Variants in FUBP3 observed in about 807,000 individuals in gnomAD.
FUBP3 encodes the protein far upstream element-binding protein 3.
FUBP3 carries 28 observed loss-of-function variants against 85.6 expected under a neutral mutation model. That is an observed-to-expected ratio of 0.33 (90% CI 0.24 to 0.45). FUBP3 has a LOEUF of 0.45. Ranked by LOEUF, FUBP3 falls within the 20% of genes least tolerant of loss-of-function variation. FUBP3 has a pLI of 1.00. For synonymous variants in FUBP3, 271 were observed against 271.4 expected (o/e 1.00, Z 0.01); for missense variants, 583 against 755.1 (o/e 0.77, Z 2.67).
chr9:130,625,690 G>A (rs1388868154), intron 11 of FUBP3, among the ~76,000 whole-genome samples: 1 of 152,174 alleles, frequency 6.6e-6, no homozygotes, highest in Admixed American at 6.5e-5. Context: ...TCTCTCTGCT[G>A]GGTGAACAGT....
At position 130,616,460 on chromosome 9, in the gene FUBP3, C is replaced by T. The variant is rs757341408; in HGVS notation, c.510C>T (p.Pro170=). ...SNSTIQEILI[P]ASKVGLVIGR... ...GCACAATCCAGGAGATTCTCATTCC[C>T]GCATCTAAAGTGGGTCTGGTCATCG... Residue 170 remains proline (P), a synonymous_variant, in exon 7 of 19, where the codon CCC becomes CCT. Coordinates refer to ENST00000319725, the MANE Select transcript of FUBP3 (RefSeq NM_003934.2). The surrounding 1 kb of genome is among the most constrained non-coding windows in gnomAD (Gnocchi z 4.7). 9.9e-6 allele frequency: 16 copies of T among 1,613,894 alleles called. No homozygotes were observed. The highest frequency in any genetic ancestry group is 7.7e-5 in the South Asian group (7 of 91,076).
chr9:130,611,900 T>C (rs940913565), intron 3 of FUBP3, among the ~76,000 whole-genome samples: 3 of 152,138 alleles, frequency 2.0e-5, no homozygotes, highest in Non-Finnish European at 4.4e-5. Flanking sequence ...TCAACAGTGA[T>C]TACGCCTCCA....
At chr9:130,636,879 A>G in intron 18 of FUBP3, 135 bp from the exon 19 acceptor site, 1 of 748,544 alleles carries the variant, frequency 1.3e-6, no homozygotes, top group Non-Finnish European at 2.4e-6. Context: ...CCTAGTGGAG[A>G]GAGAAGCCCA....
intron 2 of FUBP3, chr9:130,596,733 G>C (rs74743353): frequency 0.12 from 42,045 of 353,712 alleles, 3,195 homozygotes; most frequent in East Asian, 0.25. Flanking sequence ...CCTATGTTAA[G>C]GTTCTTTTTA....
intron 1 of FUBP3, among the ~76,000 whole-genome samples, chr9:130,594,591 AT>A (rs982598765): frequency 3.3e-5 from 5 of 152,128 alleles, no homozygotes; most frequent in African/African-American, 9.7e-5. Flanking sequence ...ATCAAAAAAA[AT>A]AATAAATTTT....
intron 1 of FUBP3, chr9:130,582,002 AGTT>A (rs1373865978): frequency 6.6e-6 from 1 of 152,218 alleles, no homozygotes; most frequent in Admixed American, 6.5e-5. Flanking sequence ...AAAGTGCATC[AGTT>A]GTTAGTTTAC....
intron 6 of FUBP3, among the ~76,000 whole-genome samples, chr9:130,614,699 T>G (rs538122913): frequency 6.6e-6 from 1 of 152,328 alleles, no homozygotes; most frequent in Non-Finnish European, 1.5e-5. Context: ...AGTCACTTGG[T>G]GAGCTACTGA....
rs1471403755 is a variant in FUBP3 at position 130,635,435 on chromosome 9, C to T, written c.1583-564C>T. 6.6e-6 allele frequency among the ~76,000 whole-genome samples: 1 copy of T among 152,138 alleles called. No individual in the cohort carries two copies. The highest frequency in any genetic ancestry group is 1.9e-4 in the East Asian group (1 of 5,188). ...ATGTTTCTTGCTGGTTGGAAGAGAT[C>T]GGGTTGAAGGCTACCAGAGAAGTGG... On this transcript the variant is annotated intron_variant, in intron 17 of 18. Coordinates refer to ENST00000319725, the MANE Select transcript of FUBP3 (RefSeq NM_003934.2). This position sits in a 1 kb window ranked among gnomAD's most constrained non-coding sequence, Gnocchi z 4.3.
intron 14 of FUBP3, 67 bp from the exon 15 acceptor site, chr9:130,631,875 C>A: frequency 8.3e-7 from 1 of 1,198,470 alleles, no homozygotes; most frequent in African/African-American, 1.5e-5. Context: ...TGCCCTGGGG[C>A]TGCGGGGAGG....
chr9:130,614,765 T>A (rs1440955103), intron 6 of FUBP3, among the ~76,000 whole-genome samples: 1 of 152,194 alleles, frequency 6.6e-6, no homozygotes. Context: ...CTTCTGATAT[T>A]TGTGAACCAA....
At chr9:130,629,834 C>T (rs1425898796) in intron 12 of FUBP3, among the ~76,000 whole-genome samples, 2 of 152,238 alleles carry the variant, frequency 1.3e-5, no homozygotes, top group Non-Finnish European at 2.9e-5. Context: ...CTCCTAGCAA[C>T]ACTCCATCCC....
intron 1 of FUBP3, among the ~76,000 whole-genome samples, chr9:130,594,945 G>A (rs567742817): frequency 8.6e-5 from 13 of 150,386 alleles, no homozygotes; most frequent in South Asian, 4.2e-4. Context: ...ACTAATTTGC[G>A]GCCGGGCGCA....
chr9:130,591,700 A>G (rs556495682), intron 1 of FUBP3, among the ~76,000 whole-genome samples: 1 of 152,214 alleles, frequency 6.6e-6, no homozygotes, highest in Non-Finnish European at 1.5e-5. Context: ...CTGTACTACT[A>G]CTCTCATAGT....
intron 1 of FUBP3, among the ~76,000 whole-genome samples, chr9:130,586,639 A>T (rs962072163): frequency 6.6e-6 from 1 of 151,954 alleles, no homozygotes; most frequent in Admixed American, 6.6e-5. Flanking sequence ...CATGGGTAAT[A>T]TATGCAGCAG....
intron 2 of FUBP3, among the ~76,000 whole-genome samples, chr9:130,609,039 C>CT (rs1831606522): frequency 1.3e-5 from 2 of 152,148 alleles, no homozygotes; most frequent in Admixed American, 1.3e-4. Flanking sequence ...TCTGAATGCC[C>CT]TTTTTAGCAT....
At chr9:130,585,289 G>A (rs1039409052) in intron 1 of FUBP3, among the ~76,000 whole-genome samples, 3 of 152,188 alleles carry the variant, frequency 2.0e-5, no homozygotes, top group Non-Finnish European at 4.4e-5. Flanking sequence ...CACACTCTCC[G>A]GGTTGTCTTC....
At chr9:130,629,897 A>C (rs1166390247) in intron 12 of FUBP3, among the ~76,000 whole-genome samples, 1 of 152,198 alleles carries the variant, frequency 6.6e-6, no homozygotes, top group East Asian at 1.9e-4. Flanking sequence ...CAGAAGAAGA[A>C]TCCAACTATT....
Position 130,595,606 on chromosome 9 carries a change from TCTTTGC to T in FUBP3, c.190+23_190+28del, listed in dbSNP as rs1564195172. ...TGATGGAGGTAAGTTGCCAGAAATA[TCTTTGC>T]CTTTCAGGTGGTAGTGAACCTGCCA... On this transcript the variant is annotated intron_variant, in intron 2 of 18. Coordinates refer to ENST00000319725, the MANE Select transcript of FUBP3 (RefSeq NM_003934.2). The T allele has an allele frequency of 8.9e-7, 1 of 1,118,860 alleles. No individual in the cohort carries two copies. The highest frequency in any genetic ancestry group is 1.7e-5 in the Admixed American group (1 of 59,436). The allele number at this position is 1,118,860 out of a possible 1,614,324, so 69.3% of individuals were successfully genotyped here. A position where few individuals can be genotyped will look rare whatever the true frequency, so the allele number is the denominator to read the frequency against.
chr9:130,585,518 T>A (rs148642935), intron 1 of FUBP3, among the ~76,000 whole-genome samples: 196 of 152,328 alleles, frequency 1.3e-3, no homozygotes, highest in African/African-American at 4.4e-3. Context: ...ATCTATAGGC[T>A]GTTTAAAGAT....
Sources: allele counts gnomAD v4.1 joint callset (sites outside exome capture counted in the v4.1 genomes callset), GRCh38; gene constraint gnomAD v4.1.1; non-coding constraint Gnocchi (gnomAD v3.1); transcripts MANE v1.5; gene names NCBI Gene and HGNC (gene_info 2026-07-23, HGNC 2026-07-21).